Variants in AHCYL2 observed in about 807,000 individuals in gnomAD.
AHCYL2 encodes the protein adenosylhomocysteinase like 2.
AHCYL2 carries 28 observed loss-of-function variants against 81.4 expected under a neutral mutation model. That is an observed-to-expected ratio of 0.34 (90% confidence interval 0.25 to 0.47). The LOEUF is 0.47. Ranked by LOEUF, AHCYL2 falls within the 20% of genes least tolerant of loss-of-function variation. The pLI is 1.00. For synonymous variants in AHCYL2, 272 were observed against 290.2 expected (o/e 0.94, Z 0.64); for missense variants, 551 against 785.1 (o/e 0.70, Z 3.56).
At chr7:129,416,839 G>A (rs1236007300) in intron 12 of AHCYL2, among the ~76,000 whole-genome samples, 2 of 151,532 alleles carry the variant, frequency 1.3e-5, no homozygotes, top group African/African-American at 2.4e-5. Context: ...TGTTTGAGAC[G>A]ATGTGTGGTG....
chr7:129,254,436 A>G (rs1351329251), intron 1 of AHCYL2, among the ~76,000 whole-genome samples: 1 of 152,206 alleles, frequency 6.6e-6, no homozygotes, highest in Non-Finnish European at 1.5e-5. Flanking sequence ...AAAGCAGGTG[A>G]CTTCTTAGTA....
rs1342892269 is a variant in AHCYL2, at chr7:129,400,354, T to C, written c.888T>C (p.Cys296=). The change falls in exon 6 of 17, where the codon TGT becomes TGC. Residue 296 remains cysteine (C), a synonymous_variant. Coordinates refer to ENST00000325006, the MANE Select transcript of AHCYL2 (RefSeq NM_015328.4). ...EDDFWWCIDR[C]VNVEGWQPNM... The stretch of plus-strand genomic sequence containing the variant: ...ACTTTTGGTGGTGTATCGATAGATG[T>C]GTGAATGTGGAGGGCTGGCAGCCAA... 3 of 1,613,292 alleles carry C rather than the reference T, an allele frequency of 1.9e-6. No homozygotes were observed. The highest frequency in any genetic ancestry group is 1.6e-4 in the Middle Eastern group (1 of 6,062).
intron 1 of AHCYL2, among the ~76,000 whole-genome samples, chr7:129,326,205 T>A (rs1798218647): frequency 6.6e-6 from 1 of 152,126 alleles, no homozygotes; most frequent in Non-Finnish European, 1.5e-5. Flanking sequence ...CAAAATGCTG[T>A]CCATATATTT....
intron 7 of AHCYL2, among the ~76,000 whole-genome samples, chr7:129,404,037 G>T (rs1242704911): frequency 1.3e-5 from 2 of 151,618 alleles, no homozygotes; most frequent in Non-Finnish European, 2.9e-5. Flanking sequence ...AAGGGGGCAG[G>T]TGGGAGAACA....
At chr7:129,273,769 G>T (rs572452244) in intron 1 of AHCYL2, among the ~76,000 whole-genome samples, 1 of 152,194 alleles carries the variant, frequency 6.6e-6, no homozygotes, top group Non-Finnish European at 1.5e-5. Flanking sequence ...TTTTCTCACA[G>T]TAGCCTCACA....
chr7:129,248,721 A>G (rs940453401), intron 1 of AHCYL2, among the ~76,000 whole-genome samples: 2 of 151,244 alleles, frequency 1.3e-5, no homozygotes, highest in African/African-American at 4.9e-5. Context: ...AAAGCTTGCT[A>G]GGATTTTGAT....
intron 1 of AHCYL2, among the ~76,000 whole-genome samples, chr7:129,313,103 G>A (rs1797717903): frequency 6.6e-6 from 1 of 152,190 alleles, no homozygotes; most frequent in Middle Eastern, 3.4e-3. Flanking sequence ...TTTTTGTTCT[G>A]CTACAACCAC....
chr7:129,270,001 G>A (rs1024148752), intron 1 of AHCYL2, among the ~76,000 whole-genome samples: 1 of 152,098 alleles, frequency 6.6e-6, no homozygotes, highest in Non-Finnish European at 1.5e-5. Flanking sequence ...TATACTTACA[G>A]TGATGGAAAG....
intron 1 of AHCYL2, among the ~76,000 whole-genome samples, chr7:129,296,524 C>T (rs1359313883): frequency 6.6e-6 from 1 of 152,102 alleles, no homozygotes; most frequent in Non-Finnish European, 1.5e-5. Flanking sequence ...GCCTGGGCAA[C>T]ATACTGAGAC....
chr7:129,357,488 TG>T (rs1259674251), intron 1 of AHCYL2, among the ~76,000 whole-genome samples: 1 of 152,214 alleles, frequency 6.6e-6, no homozygotes, highest in Non-Finnish European at 1.5e-5. Context: ...AGAAGTTGTT[TG>T]CAAGATTTAT....
intron 1 of AHCYL2, among the ~76,000 whole-genome samples, chr7:129,253,316 C>T (rs1795304307): frequency 6.6e-6 from 1 of 152,104 alleles, no homozygotes; most frequent in South Asian, 2.1e-4. Flanking sequence ...AAGATTGGGA[C>T]CTTGCCAAGA....
At chr7:129,403,855 C>A (rs1264759314) in intron 7 of AHCYL2, among the ~76,000 whole-genome samples, 1 of 53,386 alleles carries the variant, frequency 1.9e-5, no homozygotes, top group African/African-American at 5.8e-5. Context: ...AGCGAGACTC[C>A]ATCTCAAAAA....
chr7:129,358,173 C>G (rs1793804245), intron 1 of AHCYL2, among the ~76,000 whole-genome samples: 2 of 151,956 alleles, frequency 1.3e-5, no homozygotes, highest in Admixed American at 1.3e-4. Context: ...GTGGGCGGAT[C>G]ACGAGGTCAG....
At chr7:129,307,687 A>G (rs1797492449) in intron 1 of AHCYL2, among the ~76,000 whole-genome samples, 1 of 151,672 alleles carries the variant, frequency 6.6e-6, no homozygotes, top group Non-Finnish European at 1.5e-5. Context: ...CTCTCCTCAT[A>G]GCCAACACAG....
intron 1 of AHCYL2, chr7:129,351,773 A>C (rs1793572812): frequency 6.6e-6 from 1 of 151,994 alleles, no homozygotes; most frequent in African/African-American, 2.4e-5. Flanking sequence ...TGGTCCATGG[A>C]CTCCCAGGAG....
At chr7:129,326,234 A>G (rs1378939556) in intron 1 of AHCYL2, among the ~76,000 whole-genome samples, 1 of 152,130 alleles carries the variant, frequency 6.6e-6, no homozygotes, top group Non-Finnish European at 1.5e-5. Context: ...CATAAAAAAC[A>G]AAAAACTCCT....
chr7:129,426,628 GT>G lies in AHCYL2; in HGVS notation c.1829+66del. 6.4e-7 allele frequency: 1 copy of G among 1,570,552 alleles called. No individual in the cohort carries two copies. Among genetic ancestry groups the G allele is most frequent in the Non-Finnish European group, 8.6e-7 (1 of 1,162,090 alleles). On this transcript the variant is annotated intron_variant, in intron 16 of 16. Transcript: ENST00000325006. The surrounding 1 kb of genome is among the most constrained non-coding windows in gnomAD (Gnocchi z 4.3). ...TGATGAGCTTCCTGCACTGGAATTG[GT>G]CTTTGCATCCCCAACCACATATGCT...
Position 129,406,614 on chromosome 7 carries a change from G to A in AHCYL2, c.1295+148G>A, listed in dbSNP as rs544138559. 3 of 780,082 alleles carry A rather than the reference G, an allele frequency of 3.8e-6. No individual in the cohort carries two copies. The highest frequency in any genetic ancestry group is 3.4e-5 in the African/African-American group (2 of 58,188). 48.3% of individuals were successfully genotyped at this position (780,082 alleles called of 1,614,324 possible). ...GCATCTGTCTTTTAAAAAGGTCAAGGAGCTCTGCTTGGAGAGAGCAGAGAC... is the reference window on the plus strand; with the variant it reads ...GCATCTGTCTTTTAAAAAGGTCAAGAAGCTCTGCTTGGAGAGAGCAGAGAC... On this transcript the variant is annotated intron_variant, in intron 10 of 16. Coordinates refer to ENST00000325006, the MANE Select transcript of AHCYL2 (RefSeq NM_015328.4). The surrounding 1 kb of genome is among the most constrained non-coding windows in gnomAD (Gnocchi z 4.3).
rs71162600 is a variant in AHCYL2, at chr7:129,399,141, C to CAAAAAAAA, written c.824-1133_824-1126dup. On this transcript the variant is annotated intron_variant, in intron 5 of 16. Coordinates refer to ENST00000325006, the MANE Select transcript of AHCYL2 (RefSeq NM_015328.4). ...TGGGTGACAGAGTGAGACTCCATCT[C>CAAAAAAAA]AAAAAAAAAAAAAAAAAAAAAAAGA... Among the ~76,000 whole-genome samples, 70 of 44,950 alleles carry CAAAAAAAA rather than the reference C, an allele frequency of 1.6e-3. 2 individuals carry two copies. Among genetic ancestry groups the CAAAAAAAA allele is most frequent in the African/African-American group, 7.1e-3 (68 of 9,574 alleles). 29.5% of individuals were successfully genotyped at this position (44,950 alleles called of 152,430 possible). A position where few individuals can be genotyped will look rare whatever the true frequency, so the allele number is the denominator to read the frequency against.
Sources: gnomAD v4.1 joint callset for allele counts (sites outside exome capture counted in the v4.1 genomes callset) on GRCh38, gnomAD v4.1.1 for gene constraint, Gnocchi (gnomAD v3.1) non-coding constraint, MANE v1.5 for transcripts, NCBI Gene and HGNC (gene_info 2026-07-23, HGNC 2026-07-21) for gene names.